Variants in BMPR1B observed in about 807,000 individuals in gnomAD.
BMPR1B encodes the protein bone morphogenetic protein receptor type 1B.
BMPR1B carries 12 observed loss-of-function variants against 59.1 expected under a neutral mutation model. That is an observed-to-expected ratio of 0.20 (90% confidence interval 0.13 to 0.33). The LOEUF is 0.33. BMPR1B is among the 10% of genes least tolerant of loss of function. The pLI is 1.00. For missense variants in BMPR1B, 550 were observed against 610.9 expected (o/e 0.90, Z 1.05); for synonymous variants, 237 against 207.3 (o/e 1.14, Z -1.23).
chr4:94,861,535 A>G (rs1054319360), intron 1 of BMPR1B, among the ~76,000 whole-genome samples: 1 of 152,164 alleles, frequency 6.6e-6, no homozygotes, highest in Non-Finnish European at 1.5e-5. Flanking sequence ...CCTAAATACT[A>G]TTAGTGAAGA....
At chr4:95,133,878 G>GTTT (rs35735765) in intron 10 of BMPR1B, among the ~76,000 whole-genome samples, 2 of 149,280 alleles carry the variant, frequency 1.3e-5, no homozygotes, top group Admixed American at 6.6e-5. Context: ...CCCACCTGCT[G>GTTT]TTTTTTTTTT....
At chr4:94,991,088 G>T (rs1446844261) in intron 2 of BMPR1B, among the ~76,000 whole-genome samples, 1 of 152,070 alleles carries the variant, frequency 6.6e-6, no homozygotes, top group Non-Finnish European at 1.5e-5. Flanking sequence ...GCCTTTTTCA[G>T]TCTCTTTCAT....
At chr4:95,131,824 A>C (rs1373417571) in intron 10 of BMPR1B, among the ~76,000 whole-genome samples, 1 of 152,240 alleles carries the variant, frequency 6.6e-6, no homozygotes, top group Non-Finnish European at 1.5e-5. Context: ...TGCAAGTAGG[A>C]AAAAGTTTTG....
chr4:95,020,755 A>G (rs947868453), intron 3 of BMPR1B, among the ~76,000 whole-genome samples: 1 of 152,190 alleles, frequency 6.6e-6, no homozygotes, highest in African/African-American at 2.4e-5. Context: ...GTACAGTGGC[A>G]CGATCGTTAC....
At chr4:94,846,857 A>C (rs1725356798) in intron 1 of BMPR1B, among the ~76,000 whole-genome samples, 1 of 148,720 alleles carries the variant, frequency 6.7e-6, no homozygotes, top group South Asian at 2.1e-4. Flanking sequence ...AAAAAAAAAA[A>C]CGTTGGGGAA....
At chr4:94,833,787 T>C (rs1405525707) in intron 1 of BMPR1B, among the ~76,000 whole-genome samples, 2 of 152,156 alleles carry the variant, frequency 1.3e-5, no homozygotes, top group African/African-American at 2.4e-5. Context: ...AGGATAAATA[T>C]TTCGTGGGTG....
chr4:94,863,721 G>A (rs530891740), intron 1 of BMPR1B, among the ~76,000 whole-genome samples: 2 of 152,264 alleles, frequency 1.3e-5, no homozygotes, highest in South Asian at 2.1e-4. Context: ...TACTTGAATC[G>A]TATGTGATGG....
chr4:94,981,004 C>CGCGCGT lies in BMPR1B; in HGVS notation c.-112-15036_-112-15035insGCGCGT, dbSNP rs6148577. ...AGCAAGACTCCATCACACACACACA[C>CGCGCGT]ACACACACACACACACACAAAAAGT... is the stretch of plus-strand genomic sequence containing the variant. On this transcript the variant is annotated intron_variant, in intron 2 of 12. Transcript: ENST00000515059. Among the ~76,000 whole-genome samples, 18 of 120,806 alleles carry CGCGCGT rather than the reference C, an allele frequency of 1.5e-4. 1 individual carries two copies. Among genetic ancestry groups the CGCGCGT allele is most frequent in the African/African-American group, 4.5e-4 (13 of 29,052 alleles). 79.3% of individuals were successfully genotyped at this position (120,806 alleles called of 152,430 possible).
chr4:94,797,089 A>G (rs1325004321), intron 1 of BMPR1B, among the ~76,000 whole-genome samples: 2 of 152,192 alleles, frequency 1.3e-5, no homozygotes, highest in Admixed American at 6.5e-5. Flanking sequence ...AGAATCATGT[A>G]GAGGGTGAAG....
At position 94,995,490 on chromosome 4, in the gene BMPR1B, G is replaced by T. The variant is rs1361403887; in HGVS notation, c.-112-550G>T. ...TTCCTGTGTCATTTGGATTCATAAT[G>T]TGTCATAATTAAGTTTTATAAAGCT... On this transcript the variant is annotated intron_variant, in intron 2 of 12. Transcript: ENST00000515059. Among the ~76,000 whole-genome samples the T allele has an allele frequency of 2.0e-5, 3 of 152,136 alleles. No individual in the cohort carries two copies. The East Asian group carries it at 5.8e-4, about 29-fold the overall frequency.
chr4:94,865,928 A>G (rs1054048506), intron 1 of BMPR1B, among the ~76,000 whole-genome samples: 1 of 152,162 alleles, frequency 6.6e-6, no homozygotes, highest in African/African-American at 2.4e-5. Flanking sequence ...GAGTTTTCAG[A>G]TGCATACCAT....
At chr4:95,027,164 A>C (rs1187703654) in intron 3 of BMPR1B, among the ~76,000 whole-genome samples, 1 of 152,206 alleles carries the variant, frequency 6.6e-6, no homozygotes, top group Non-Finnish European at 1.5e-5. Flanking sequence ...TTTAAGGGTC[A>C]GAAAACCAGC....
intron 3 of BMPR1B, among the ~76,000 whole-genome samples, chr4:95,003,127 A>C (rs879762791): frequency 6.6e-6 from 1 of 152,084 alleles, no homozygotes; most frequent in Non-Finnish European, 1.5e-5. Flanking sequence ...ATTTTTATTA[A>C]AGCTAACCAA....
chr4:95,058,295 A>C (rs550150214), intron 3 of BMPR1B, among the ~76,000 whole-genome samples: 1 of 152,306 alleles, frequency 6.6e-6, no homozygotes, highest in African/African-American at 2.4e-5. Context: ...GAGGAAAATT[A>C]ATGTACATTT....
At chr4:94,811,742 A>G (rs530831783) in intron 1 of BMPR1B, among the ~76,000 whole-genome samples, 1 of 152,138 alleles carries the variant, frequency 6.6e-6, no homozygotes, top group African/African-American at 2.4e-5. Flanking sequence ...TTTGAATCCA[A>G]ATATTTTCTC....
At position 94,849,252 on chromosome 4, in the gene BMPR1B, C is replaced by T. The variant is rs543561453; in HGVS notation, c.-182-26579C>T. On this transcript the variant is annotated intron_variant, in intron 1 of 12. Transcript: ENST00000515059. ...AGGAGTGCATATGTGTCCTGGCAGCCATGTGATGAAAGTATTTGAAAGAGA... is the reference window on the plus strand; with the variant it reads ...AGGAGTGCATATGTGTCCTGGCAGCTATGTGATGAAAGTATTTGAAAGAGA... Among the ~76,000 whole-genome samples, 31 of 152,014 alleles carry T rather than the reference C, an allele frequency of 2.0e-4. No individual in the cohort carries two copies. The South Asian group carries it at 6.0e-3, about 30-fold the overall frequency.
At chr4:94,801,760 A>G (rs1431288805) in intron 1 of BMPR1B, among the ~76,000 whole-genome samples, 1 of 152,260 alleles carries the variant, frequency 6.6e-6, no homozygotes. Context: ...AATATAAAAA[A>G]GTAAGACAAA....
chr4:94,896,293 A>G (rs1727582460), intron 2 of BMPR1B, among the ~76,000 whole-genome samples: 1 of 152,006 alleles, frequency 6.6e-6, no homozygotes, highest in Non-Finnish European at 1.5e-5. Context: ...ATTATTTTTG[A>G]CAGTTAAATC....
At chr4:95,116,086 C>A (rs1288259879) in intron 6 of BMPR1B, among the ~76,000 whole-genome samples, 1 of 152,094 alleles carries the variant, frequency 6.6e-6, no homozygotes, top group Non-Finnish European at 1.5e-5. Context: ...CTCTGCTTCT[C>A]CCTGAAAGTT....
Sources: allele counts gnomAD v4.1 joint callset (sites outside exome capture counted in the v4.1 genomes callset), GRCh38; gene constraint gnomAD v4.1.1; transcripts MANE v1.5; gene names NCBI Gene and HGNC (gene_info 2026-07-23, HGNC 2026-07-21).